The following PHF8 variants were observed in gnomAD, a reference collection of about 807,000 sequenced individuals.
PHF8 encodes the protein PHD finger protein 8, also known as histone lysine demethylase PHF8.
A neutral mutation model predicts 74.4 loss-of-function variants in PHF8; 9 were observed. The observed-to-expected ratio is 0.12, with a 90% confidence interval of 0.07 to 0.21. The LOEUF (loss-of-function observed/expected upper bound fraction) is 0.21, where lower values mean the gene tolerates loss of function less well. Among genes scored for constraint, PHF8 ranks in the 10% least tolerant of loss-of-function variants. The probability of loss-of-function intolerance (pLI) is 1.00; values close to 1 mark genes in which losing one functional copy is unlikely to be tolerated. For missense variants in PHF8, 478 were observed against 816.6 expected (o/e 0.59, Z 5.05); for synonymous variants, 311 against 316.6 (o/e 0.98, Z 0.19).
chrX:54,045,012 T>C, upstream of PHF8: 1 of 641,498 alleles, frequency 1.6e-6, no homozygotes, highest in Non-Finnish European at 2.5e-6. Flanking sequence ...GCCAAGTGAC[T>C]TGAGTCCCGG....
intron 18 of PHF8, among the ~76,000 whole-genome samples, chrX:53,981,511 G>GT (rs370701125): frequency 0.014 from 1,476 of 107,266 alleles, 7 homozygotes; most frequent in South Asian, 0.02. Flanking sequence ...ATTTCCCTCT[G>GT]TTTTTTTTTT....
At chrX:53,981,511 GT>G (rs370701125) in intron 18 of PHF8, among the ~76,000 whole-genome samples, 101 of 107,319 alleles carry the variant, frequency 9.4e-4, no homozygotes, top group African/African-American at 3.1e-3. Flanking sequence ...ATTTCCCTCT[GT>G]TTTTTTTTTG....
chrX:53,963,226 A>G lies in PHF8; in HGVS notation c.2444-287T>C, dbSNP rs782159838. The stretch of plus-strand genomic sequence containing the variant: ...TTTACTTACTCACCCTTCAAAATTC[A>G]GCTTTAGATTTACTTTCCACAAGAA... On this transcript the variant is annotated intron_variant, in intron 18 of 21. Transcript: ENST00000338154. 5.4e-5 allele frequency among the ~76,000 whole-genome samples: 6 copies of G among 111,626 alleles called. No homozygotes were observed. In the South Asian group the frequency reaches 1.9e-3, roughly 35 times the overall value.
Position 53,973,330 on chromosome X carries a change from A to C in PHF8, c.2444-10391T>G, listed in dbSNP as rs180802249. ...TTCACATTGAATGAAAAAAGAGCCC[A>C]AATAGCCAGGACAATCCGAAGCAAA... is the stretch of plus-strand genomic sequence containing the variant. On this transcript the variant is annotated intron_variant, in intron 18 of 21. Transcript: ENST00000338154. Among the ~76,000 whole-genome samples, 403 of 112,123 alleles carry C rather than the reference A, an allele frequency of 3.6e-3. 2 individuals carry two copies. Among genetic ancestry groups the C allele is most frequent in the African/African-American group, 0.012 (381 of 30,865 alleles).
chrX:54,008,684 T>G (rs1317310819), intron 8 of PHF8, among the ~76,000 whole-genome samples: 1 of 110,360 alleles, frequency 9.1e-6, no homozygotes, highest in African/African-American at 3.3e-5. Context: ...TGATAAATGC[T>G]GTAACATGGA....
chrX:53,973,482 T>G (rs2065326014), intron 18 of PHF8, among the ~76,000 whole-genome samples: 1 of 111,123 alleles, frequency 9.0e-6, no homozygotes, highest in Non-Finnish European at 1.9e-5. Flanking sequence ...ACCCAGAAGT[T>G]AGACCACACA....
At chrX:54,004,324 G>A (rs1315945330) in intron 8 of PHF8, among the ~76,000 whole-genome samples, 1 of 107,095 alleles carries the variant, frequency 9.3e-6, no homozygotes, top group African/African-American at 3.3e-5. Flanking sequence ...GGGGGTGGGA[G>A]TTGGGTGGGA....
intron 15 of PHF8, 25 bp downstream of exon 15, chrX:53,987,741 G>T (rs373291906): frequency 1.7e-6 from 2 of 1,147,808 alleles, no homozygotes; most frequent in South Asian, 3.8e-5. Flanking sequence ...GGGCAGGGGA[G>T]GAAAAAGAAA....
intron 19 of PHF8, among the ~76,000 whole-genome samples, chrX:53,960,858 T>C (rs782637241): frequency 6.3e-5 from 7 of 110,982 alleles, no homozygotes; most frequent in Non-Finnish European, 1.1e-4. Context: ...AATGTTAACA[T>C]TGGTTGCTTC....
rs1557099025 is a variant in PHF8, at chrX:53,984,962, G to T, written c.2395C>A (p.Leu799Met). Residue 799 changes from leucine (L) to methionine (M), a missense_variant, in exon 18 of 22, where the codon CTG becomes ATG. Leu to Met is a conservative substitution (Grantham distance 15, BLOSUM62 2). Transcript: ENST00000338154. ...ESEEEEENAS[L>M]DEQDSLGACF... Reference sequence around the variant, plus strand: ...GCTCCCAAGCTGTCCTGTTCATCCAGACTGGCGTTCTCCTCCTCCTCCTCG... The same window carrying T: ...GCTCCCAAGCTGTCCTGTTCATCCATACTGGCGTTCTCCTCCTCCTCCTCG... The T allele has an allele frequency of 8.3e-7, 1 of 1,208,906 alleles. No homozygotes were observed. The highest frequency in any genetic ancestry group is 1.1e-6 in the Non-Finnish European group (1 of 894,658).
Position 53,937,991 on chromosome X carries a change from G to A in PHF8, c.*1167C>T. On this transcript the variant is annotated 3_prime_UTR_variant, in exon 22 of 22. Coordinates refer to ENST00000338154, the MANE Select transcript of PHF8 (RefSeq NM_015107.3). ...GGATGGTCTGCTCCTTCACGGATGG[G>A]CGTCTCTTCTCTTCAACTTGGGCTC... is the stretch of plus-strand genomic sequence containing the variant. 8.6e-7 allele frequency: 1 copy of A among 1,163,401 alleles called. No individual in the cohort carries two copies. Among genetic ancestry groups the A allele is most frequent in the Non-Finnish European group, 1.1e-6 (1 of 870,190 alleles).
chrX:54,041,277 G>C (rs1557115790), intron 2 of PHF8, among the ~76,000 whole-genome samples: 1 of 108,817 alleles, frequency 9.2e-6, no homozygotes, highest in Admixed American at 9.9e-5. Flanking sequence ...CCAGCTACTC[G>C]GGAGGCTGAG....
At chrX:54,042,361 C>T (rs1279258145) in intron 2 of PHF8, among the ~76,000 whole-genome samples, 2 of 72,771 alleles carry the variant, frequency 2.7e-5, no homozygotes, top group Non-Finnish European at 4.6e-5. Flanking sequence ...TTCTTTGTAA[C>T]AGGAAAGAAA....
In PHF8 at chrX:54,042,723, G is replaced by A. The variant is rs782702543; in HGVS notation, c.6C>T (p.Ala2=). The A allele has an allele frequency of 3.3e-6, 4 of 1,207,626 alleles. No homozygotes were observed. In the South Asian group the frequency reaches 5.3e-5, roughly 16 times the overall value. Residue 2 remains alanine, a synonymous_variant, in exon 2 of 22, where the codon GCC becomes GCT. Transcript: ENST00000338154. M[A]SVPVYCLCRL... ...GGCAGAGGCAATACACCGGCACCGA[G>A]GCCATCTTCGCTCGGCCCTGGAGCG...
At chrX:53,958,443 A>T (rs1414474189) in intron 19 of PHF8, among the ~76,000 whole-genome samples, 2 of 108,732 alleles carry the variant, frequency 1.8e-5, no homozygotes, top group East Asian at 5.8e-4. Flanking sequence ...AAACATATAC[A>T]TGCATTTGCT....
intron 19 of PHF8, among the ~76,000 whole-genome samples, chrX:53,961,743 C>A (rs782431190): frequency 7.2e-5 from 8 of 111,579 alleles, no homozygotes; most frequent in African/African-American, 1.9e-4. Flanking sequence ...CTAAATAAGG[C>A]AGGGTGAGAA....
chrX:53,997,500 G>C (rs1404075305), intron 11 of PHF8, among the ~76,000 whole-genome samples: 2 of 111,582 alleles, frequency 1.8e-5, no homozygotes. Flanking sequence ...ATGTGACCCA[G>C]CTAAATAATC....
intron 10 of PHF8, among the ~76,000 whole-genome samples, chrX:54,001,263 T>G (rs1456498821): frequency 9.0e-6 from 1 of 110,928 alleles, no homozygotes; most frequent in African/African-American, 3.3e-5. Context: ...GAGGCAGAGT[T>G]TGCAGTGAGC....
upstream of PHF8, chrX:54,045,020 C>T (rs1277558747): frequency 5.0e-6 from 3 of 605,352 alleles, no homozygotes; most frequent in Non-Finnish European, 8.0e-6. Flanking sequence ...ACTTGAGTCC[C>T]GGAGCAGGGA....
Sources: gnomAD v4.1 joint callset for allele counts (sites outside exome capture counted in the v4.1 genomes callset) on GRCh38, gnomAD v4.1.1 for gene constraint, MANE v1.5 for transcripts, NCBI Gene and HGNC (gene_info 2026-07-23, HGNC 2026-07-21) for gene names.